The following PAK1 variants were observed in gnomAD, a reference collection of about 807,000 sequenced individuals.
PAK1 encodes the protein p21 (RAC1) activated kinase 1, also known as serine/threonine-protein kinase PAK 1.
Under a neutral mutation model 67.4 loss-of-function variants are expected in PAK1, and 29 were observed. The observed-to-expected ratio is 0.43, with a 90% CI of 0.32 to 0.59. The LOEUF is 0.59. Ranked by LOEUF, PAK1 falls within the 20% of genes least tolerant of loss-of-function variation. The pLI is 0.07. For missense variants in PAK1, 337 were observed against 670.7 expected, an observed-to-expected ratio of 0.50 and a Z score of 5.50; for synonymous variants, 223 against 237.4, an observed-to-expected ratio of 0.94 and a Z score of 0.56.
rs189412902 is a variant in PAK1, at chr11:77,392,147, T to C, written c.190+184A>G. ...TACAGTTTTGCTCAGATATAGTTAA[T>C]AGAGTATAAAAATAGGTCTATTTTC... On this transcript the variant is annotated intron_variant, in intron 2 of 14. Coordinates refer to ENST00000356341, the MANE Select transcript of PAK1 (RefSeq NM_002576.5). Among the ~76,000 whole-genome samples the C allele has an allele frequency of 1.0e-3, 156 of 152,230 alleles. 1 individual carries two copies. The highest frequency in any genetic ancestry group is 4.0e-3 in the Admixed American group (61 of 15,282).
intron 9 of PAK1, chr11:77,347,102 C>T (rs1282395600): frequency 2.2e-6 from 1 of 456,072 alleles, no homozygotes; most frequent in Non-Finnish European, 4.4e-6. Flanking sequence ...ATGAAGCCTT[C>T]CTGACCACAC....
At chr11:77,494,590 TA>T in the PAK1 span, among the ~76,000 whole-genome samples, 14,856 of 130,400 alleles carry the variant, frequency 0.11, 1,437 homozygotes, top group African/African-American at 0.27. Flanking sequence ...TAGCTACTAT[TA>T]AAAAAAAAAA....
intron 11 of PAK1, 91 bp downstream of exon 11, chr11:77,340,555 C>A: frequency 1.3e-6 from 1 of 756,970 alleles, no homozygotes; most frequent in South Asian, 1.4e-5. Flanking sequence ...TTCCACAGAG[C>A]CCAGGCTGAG....
Position 77,392,457 on chromosome 11 carries a change from T to C in PAK1, c.64A>G (p.Thr22Ala), listed in dbSNP as rs1592197974. 1.9e-6 allele frequency: 3 copies of C among 1,614,106 alleles called. No homozygotes were observed. Among genetic ancestry groups the C allele is most frequent in the East Asian group, 2.2e-5 (1 of 44,882 alleles). ...PPAPPMRNTS[T>A]MIGAGSKDAG... ...TCTTTGCTGCCGGCTCCAATCATAG[T>C]GCTGGTATTTCTCATCGGAGGGGCT... Residue 22 changes from threonine to alanine, a missense_variant, in exon 2 of 15, where the codon ACT (threonine) becomes GCT (alanine). Transcript: ENST00000356341.
intron 8 of PAK1, 154 bp from the exon 9 acceptor site, chr11:77,349,441 A>C: frequency 1.5e-6 from 1 of 672,456 alleles, no homozygotes; most frequent in Non-Finnish European, 2.7e-6. Context: ...CACATTTAAG[A>C]AGCTATAAGA....
intron 5 of PAK1, among the ~76,000 whole-genome samples, chr11:77,359,824 C>T (rs1037479796): frequency 1.3e-5 from 2 of 152,030 alleles, no homozygotes; most frequent in African/African-American, 4.8e-5. Context: ...CAAAATGCCT[C>T]CAAAATATGA....
At chr11:77,346,555 C>T (rs1402616651) in intron 9 of PAK1, among the ~76,000 whole-genome samples, 1 of 152,140 alleles carries the variant, frequency 6.6e-6, no homozygotes, top group East Asian at 1.9e-4. Context: ...CAATGCATTA[C>T]TCACATATAA....
At chr11:77,405,110 T>A (rs1953289979) in intron 1 of PAK1, among the ~76,000 whole-genome samples, 1 of 152,186 alleles carries the variant, frequency 6.6e-6, no homozygotes, top group African/African-American at 2.4e-5. Context: ...GAAAAGCATT[T>A]TAAGCGAAGG....
chr11:77,416,057 C>A (rs1327084043), intron 1 of PAK1, among the ~76,000 whole-genome samples: 2 of 151,856 alleles, frequency 1.3e-5, no homozygotes, highest in African/African-American at 4.8e-5. Flanking sequence ...CAGCTCACTG[C>A]AACCTCCACT....
chr11:77,380,529 A>G (rs2729761), intron 2 of PAK1, among the ~76,000 whole-genome samples: 34,133 of 152,020 alleles, frequency 0.22, 4,206 homozygotes, highest in East Asian at 0.45. Context: ...GGGAGAGGCA[A>G]AAAGATCGTC....
At chr11:77,490,100 C>G in the PAK1 span, among the ~76,000 whole-genome samples, 60 of 151,792 alleles carry the variant, frequency 4.0e-4, 1 homozygote, top group South Asian at 0.012. Flanking sequence ...TCTGCCCGGC[C>G]GCGACCCCAT....
chr11:77,343,776 T>A (rs1565593352), intron 10 of PAK1, 43 bp downstream of exon 10: 1 of 1,166,478 alleles, frequency 8.6e-7, no homozygotes, highest in Non-Finnish European at 1.3e-6. Flanking sequence ...CACCAATCAG[T>A]CCCAAAGGCC....
the PAK1 span, among the ~76,000 whole-genome samples, chr11:77,524,104 C>T: frequency 2.0e-5 from 3 of 152,168 alleles, no homozygotes; most frequent in Non-Finnish European, 2.9e-5. Flanking sequence ...CCAAAATAAA[C>T]GCATATTATT....
intron 1 of PAK1, among the ~76,000 whole-genome samples, chr11:77,450,277 AATG>A (rs1248100397): frequency 6.6e-6 from 1 of 152,134 alleles, no homozygotes; most frequent in East Asian, 1.9e-4. Context: ...CCACTGAGAG[AATG>A]ATGTTTACCT....
chr11:77,425,990 A>C (rs1955524139), intron 1 of PAK1, among the ~76,000 whole-genome samples: 1 of 151,962 alleles, frequency 6.6e-6, no homozygotes, highest in Non-Finnish European at 1.5e-5. Context: ...GGTTCAAGGA[A>C]TCTTCCCACC....
chr11:77,337,503 C>T, intron 11 of PAK1, 80 bp from the exon 12 acceptor site: 1 of 659,332 alleles, frequency 1.5e-6, no homozygotes, highest in Non-Finnish European at 2.6e-6. Flanking sequence ...TCCACTAATT[C>T]AACCTCTTCA....
intron 1 of PAK1, among the ~76,000 whole-genome samples, chr11:77,402,806 A>G (rs1381112117): frequency 6.6e-6 from 1 of 152,238 alleles, no homozygotes; most frequent in Non-Finnish European, 1.5e-5. Context: ...TGAAAATGGG[A>G]CAGTCCTCCC....
chr11:77,529,575 G>A, the PAK1 span, among the ~76,000 whole-genome samples: 2 of 152,160 alleles, frequency 1.3e-5, no homozygotes, highest in Non-Finnish European at 2.9e-5. Context: ...GGTAAACAAA[G>A]GGGAAGGCCT....
chr11:77,377,301 TATC>T (rs1407603535), intron 4 of PAK1, among the ~76,000 whole-genome samples: 1 of 152,102 alleles, frequency 6.6e-6, no homozygotes, highest in Non-Finnish European at 1.5e-5. Flanking sequence ...GAGGTAGTAT[TATC>T]ATAACTAATA....
Sources: allele counts gnomAD v4.1 joint callset (sites outside exome capture counted in the v4.1 genomes callset), GRCh38; gene constraint gnomAD v4.1.1; transcripts MANE v1.5; gene names NCBI Gene and HGNC (gene_info 2026-07-23, HGNC 2026-07-21).